CSF2RA: variants seen among roughly 807,000 people sequenced by gnomAD.
CSF2RA encodes colony stimulating factor 2 receptor subunit alpha.
CSF2RA carries 42 observed loss-of-function variants against 51.6 expected under a neutral mutation model. The observed-to-expected ratio is 0.81, with a 90% confidence interval of 0.64 to 1.05. The LOEUF is 1.05. CSF2RA is among the 50% of genes least tolerant of loss of function. The pLI is 0.00. For missense variants in CSF2RA, 530 were observed against 501.1 expected (o/e 1.06, Z -0.55); for synonymous variants, 222 against 193.0 (o/e 1.15, Z -1.24).
At chrX:1,316,251 T>TAGATGA in the CSF2RA span, among the ~76,000 whole-genome samples, 2 of 140,150 alleles carry the variant, frequency 1.4e-5, no homozygotes, top group African/African-American at 5.2e-5. Flanking sequence ...AGATGATAGA[T>TAGATGA]TAGATAGATG....
rs1197731802 is a variant in CSF2RA at position 1,289,657 on chromosome X, G to T, written c.474-680G>T. Among the ~76,000 whole-genome samples, 4 of 145,306 alleles carry T rather than the reference G, an allele frequency of 2.8e-5. No homozygotes were observed. The East Asian group carries it at 6.5e-4, about 24-fold the overall frequency. On this transcript the variant is annotated intron_variant, in intron 6 of 12. Transcript: ENST00000381529. ...TTTGTTTTGTGTTTGTTTTTGTTTT[G>T]TTTTGTGGTTTTTGTTTTGTGTTGT...
At chrX:1,275,833 C>T (rs1222976805) in intron 2 of CSF2RA, among the ~76,000 whole-genome samples, 1 of 152,034 alleles carries the variant, frequency 6.6e-6, no homozygotes, top group Non-Finnish European at 1.5e-5. Context: ...GTTGGGATTA[C>T]AGGCACCCGC....
downstream of CSF2RA, among the ~76,000 whole-genome samples, chrX:1,314,544 ATC>A (rs1569514932): frequency 7.3e-5 from 8 of 110,304 alleles, no homozygotes; most frequent in African/African-American, 3.0e-4. Context: ...CACCTGCCCA[ATC>A]CCACTGCACC....
chrX:1,323,830 C>T, the CSF2RA span, among the ~76,000 whole-genome samples: 25 of 151,618 alleles, frequency 1.6e-4, no homozygotes, highest in South Asian at 4.2e-4. Context: ...CTGGCTAACA[C>T]GGTGAAACCC....
At chrX:1,279,361 ATAAT>A (rs1305197455) in intron 2 of CSF2RA, among the ~76,000 whole-genome samples, 9 of 149,674 alleles carry the variant, frequency 6.0e-5, no homozygotes, top group African/African-American at 2.2e-4. Context: ...AATAATAATA[ATAAT>A]TAATAATAAT....
At chrX:1,300,748 GT>G in intron 10 of CSF2RA, 122 bp downstream of exon 10, 1 of 1,280,150 alleles carries the variant, frequency 7.8e-7, no homozygotes, top group Non-Finnish European at 1.1e-6. Flanking sequence ...TGGGAGTAGT[GT>G]CAGGCTCTGA....
rs777421970 is a variant in CSF2RA at position 1,296,247 on chromosome X, A to T, written c.810+791A>T. ...CGGAACCCTACACTCCCCTACTCACAACCCCTAGTGTAACCCTACAGTCTC... is the reference window on the plus strand; with the variant it reads ...CGGAACCCTACACTCCCCTACTCACTACCCCTAGTGTAACCCTACAGTCTC... On this transcript the variant is annotated intron_variant, in intron 9 of 12. Transcript: ENST00000381529. Among the ~76,000 whole-genome samples the T allele has an allele frequency of 2.5e-3, 340 of 137,834 alleles. 4 individuals are homozygous for T. The Middle Eastern group carries it at 0.06, about 24-fold the overall frequency. 90.4% of individuals were successfully genotyped at this position (137,834 alleles called of 152,430 possible). A position where few individuals can be genotyped will look rare whatever the true frequency, so the allele number is the denominator to read the frequency against.
chrX:1,316,067 G>C, the CSF2RA span, among the ~76,000 whole-genome samples: 1 of 152,076 alleles, frequency 6.6e-6, no homozygotes, highest in African/African-American at 2.4e-5. Context: ...TCAATAGATA[G>C]ATAGATAGAT....
At chrX:1,313,098 A>G (rs1351347100), downstream of CSF2RA, among the ~76,000 whole-genome samples, 2 of 151,996 alleles carry the variant, frequency 1.3e-5, no homozygotes, top group Non-Finnish European at 2.9e-5. Context: ...CTCAGGCCCT[A>G]TTTACCTCAG....
chrX:1,320,044 C>A, the CSF2RA span, among the ~76,000 whole-genome samples: 1 of 151,146 alleles, frequency 6.6e-6, no homozygotes, highest in African/African-American at 2.4e-5. Context: ...TACAGGTGCC[C>A]GCCACCACGC....
chrX:1,288,770 A>G lies in CSF2RA; in HGVS notation c.355A>G (p.Thr119Ala). The G allele has an allele frequency of 6.2e-7, 1 of 1,613,902 alleles. No individual in the cohort carries two copies. The highest frequency in any genetic ancestry group is 8.5e-7 in the Non-Finnish European group (1 of 1,179,848). ...LLYPNSGREG[T>A]AAQNFSCFIY... ...CTACCTCTTCCCAGGAAGGGAGGGTACCGCTGCTCAGAATTTCTCCTGTTT... is the reference window on the plus strand; with the variant it reads ...CTACCTCTTCCCAGGAAGGGAGGGTGCCGCTGCTCAGAATTTCTCCTGTTT... The change falls in exon 6 of 13, where the codon ACC becomes GCC. Residue 119 changes from threonine (T) to alanine (A), a missense_variant. Physicochemically the swap from Thr to Ala is moderately conservative, Grantham distance 58. Coordinates refer to ENST00000381529, the MANE Select transcript of CSF2RA (RefSeq NM_172245.4).
At chrX:1,289,164 C>A (rs2091094365) in intron 6 of CSF2RA, 2 of 484,762 alleles carry the variant, frequency 4.1e-6, no homozygotes, top group East Asian at 8.0e-5. Context: ...TGCTCTGTCG[C>A]CCAGGCTGGA....
rs377316623 is a variant in CSF2RA, at chrX:1,309,506, G to A, written c.*27G>A. 3.1e-5 allele frequency: 50 copies of A among 1,613,870 alleles called. No homozygotes were observed. The highest frequency in any genetic ancestry group is 1.7e-4 in the Admixed American group (10 of 59,980). ...ACCCAGAGGGTGTAGGAATGGCATG[G>A]ACATCTCCGCCTCCGCGACACGGGG... On this transcript the variant is annotated 3_prime_UTR_variant, in exon 13 of 13. Coordinates refer to ENST00000381529, the MANE Select transcript of CSF2RA (RefSeq NM_172245.4).
chrX:1,316,226 TAGATGATAGATGAC>T, the CSF2RA span, among the ~76,000 whole-genome samples: 21,735 of 91,676 alleles, frequency 0.24, 1,760 homozygotes, highest in Middle Eastern at 0.34. Context: ...GGTAGATAGA[TAGATGATAGATGAC>T]AGATGATAGA....
At chrX:1,286,957 G>A (rs1373589082) in intron 4 of CSF2RA, among the ~76,000 whole-genome samples, 1 of 151,718 alleles carries the variant, frequency 6.6e-6, no homozygotes, top group Non-Finnish European at 1.5e-5. Flanking sequence ...AGGGAAGGAG[G>A]GAGAAACACA....
intron 8 of CSF2RA, 140 bp downstream of exon 8, chrX:1,294,601 T>A: frequency 9.1e-7 from 1 of 1,101,720 alleles, no homozygotes; most frequent in Non-Finnish European, 1.3e-6. Flanking sequence ...TGAACGCACT[T>A]CGGGTAGCGG....
At chrX:1,308,406 G>C (rs2083895635) in intron 12 of CSF2RA, among the ~76,000 whole-genome samples, 1 of 152,098 alleles carries the variant, frequency 6.6e-6, no homozygotes. Flanking sequence ...GGGAGACAGA[G>C]AAAAGAGGCA....
At chrX:1,274,236 C>T (rs1339431047) in intron 1 of CSF2RA, among the ~76,000 whole-genome samples, 5 of 152,008 alleles carry the variant, frequency 3.3e-5, no homozygotes, top group African/African-American at 4.8e-5. Context: ...AGGTTAAGGA[C>T]GCCTGCCCAT....
intron 12 of CSF2RA, chrX:1,305,808 C>T (rs1337352663): frequency 6.7e-5 from 104 of 1,545,506 alleles, no homozygotes; most frequent in Middle Eastern, 5.9e-4. Context: ...GGGCCAGGCA[C>T]GGTGGCTCAT....
Sources: gnomAD v4.1 joint callset for allele counts (sites outside exome capture counted in the v4.1 genomes callset) on GRCh38, gnomAD v4.1.1 for gene constraint, MANE v1.5 for transcripts, NCBI Gene and HGNC (gene_info 2026-07-23, HGNC 2026-07-21) for gene names.